TASP1: variants seen among roughly 807,000 people sequenced by gnomAD.
TASP1 encodes the protein threonine aspartase 1.
Under a neutral mutation model 56.6 loss-of-function variants are expected in TASP1, and 16 were observed. The observed-to-expected ratio is 0.28, with a 90% CI of 0.19 to 0.43. The LOEUF (loss-of-function observed/expected upper bound fraction) is 0.43. Ranked by LOEUF, TASP1 falls within the 20% of genes least tolerant of loss-of-function variation. The pLI, the probability that TASP1 is intolerant of heterozygous loss-of-function variation, is 1.00. For missense variants in TASP1, 393 were observed against 511.6 expected (o/e 0.77, Z 2.24); for synonymous variants, 179 against 184.2 (o/e 0.97, Z 0.23).
chr20:13,286,442 G>C, the TASP1 span, among the ~76,000 whole-genome samples: 2 of 152,158 alleles, frequency 1.3e-5, no homozygotes, highest in African/African-American at 4.8e-5. Context: ...CTAATGCCAG[G>C]GAAGGCAGCC....
intron 10 of TASP1, among the ~76,000 whole-genome samples, chr20:13,487,990 T>C (rs890215078): frequency 5.9e-5 from 9 of 151,964 alleles, no homozygotes; most frequent in African/African-American, 1.9e-4. Flanking sequence ...ATCCCTGAAA[T>C]AGAGCAAACT....
At chr20:13,548,037 AC>A (rs1043755002) in intron 8 of TASP1, among the ~76,000 whole-genome samples, 2 of 152,190 alleles carry the variant, frequency 1.3e-5, no homozygotes, top group African/African-American at 2.4e-5. Flanking sequence ...ATCTGGAATC[AC>A]AGGTGTGAAG....
the TASP1 span, among the ~76,000 whole-genome samples, chr20:13,352,747 A>G: frequency 6.6e-6 from 1 of 152,212 alleles, no homozygotes; most frequent in South Asian, 2.1e-4. Context: ...CAGACATTGC[A>G]GAACCATTGA....
intron 11 of TASP1, among the ~76,000 whole-genome samples, chr20:13,437,009 T>G (rs1479947597): frequency 6.6e-6 from 1 of 152,026 alleles, no homozygotes; most frequent in Admixed American, 6.6e-5. Context: ...AGAAATAAAA[T>G]AGTACAGCAT....
At chr20:13,495,934 T>C (rs964734842) in intron 10 of TASP1, among the ~76,000 whole-genome samples, 2 of 152,132 alleles carry the variant, frequency 1.3e-5, no homozygotes, top group East Asian at 3.9e-4. Flanking sequence ...TAAAAACCAA[T>C]ACATAGATTC....
At chr20:13,205,523 T>G in the TASP1 span, among the ~76,000 whole-genome samples, 1 of 152,156 alleles carries the variant, frequency 6.6e-6, no homozygotes, top group Non-Finnish European at 1.5e-5. Context: ...GTGTCTGATG[T>G]GGGCCCACTT....
chr20:13,182,425 G>C, the TASP1 span, among the ~76,000 whole-genome samples: 1 of 152,090 alleles, frequency 6.6e-6, no homozygotes, highest in African/African-American at 2.4e-5. Context: ...TATAGTGTTA[G>C]ATGCACAGTT....
intron 11 of TASP1, among the ~76,000 whole-genome samples, chr20:13,443,349 C>A (rs1357301550): frequency 6.6e-6 from 1 of 152,184 alleles, no homozygotes; most frequent in East Asian, 1.9e-4. Flanking sequence ...ATGTGGGGCA[C>A]TGCTTAAGCG....
intron 12 of TASP1, 74 bp from the exon 13 acceptor site, chr20:13,417,595 C>T (rs1031704332): frequency 4.6e-6 from 7 of 1,520,974 alleles, no homozygotes; most frequent in African/African-American, 2.7e-5. Flanking sequence ...TTTAATAGAA[C>T]AGTTAAAGAT....
chr20:13,334,131 G>A, the TASP1 span, among the ~76,000 whole-genome samples: 1 of 152,204 alleles, frequency 6.6e-6, no homozygotes, highest in South Asian at 2.1e-4. Context: ...AGGATAACCT[G>A]TGATGGTAAG....
At chr20:13,611,635 T>C (rs532235426) in intron 4 of TASP1, among the ~76,000 whole-genome samples, 2 of 152,300 alleles carry the variant, frequency 1.3e-5, no homozygotes, top group Admixed American at 6.5e-5. Context: ...TACATTCATT[T>C]CCCTGGCCCT....
the TASP1 span, among the ~76,000 whole-genome samples, chr20:13,282,984 G>A: frequency 1.3e-5 from 2 of 152,064 alleles, no homozygotes; most frequent in South Asian, 2.1e-4. Flanking sequence ...CATCTTTTCC[G>A]GAATTCCATA....
the TASP1 span, among the ~76,000 whole-genome samples, chr20:13,220,363 C>T: frequency 2.6e-5 from 4 of 152,208 alleles, no homozygotes; most frequent in African/African-American, 9.6e-5. Context: ...AGAGCCCTTC[C>T]ATTCGCCAAC....
At chr20:13,299,401 C>T in the TASP1 span, 2 of 1,612,772 alleles carry the variant, frequency 1.2e-6, no homozygotes, top group Non-Finnish European at 1.7e-6. This position sits in a 1 kb window ranked among gnomAD's most constrained non-coding sequence, Gnocchi z 5.8. Context: ...CAGAAGTGCA[C>T]AGAGAGCCCC....
chr20:13,141,418 ATCT>A, the TASP1 span, among the ~76,000 whole-genome samples: 20 of 152,346 alleles, frequency 1.3e-4, no homozygotes, highest in East Asian at 3.1e-3. Context: ...TTTAAAAAAA[ATCT>A]TCTCACATTT....
chr20:13,414,184 G>C (rs1347072675), intron 13 of TASP1, among the ~76,000 whole-genome samples: 14 of 152,030 alleles, frequency 9.2e-5, no homozygotes. Flanking sequence ...TGACATTATT[G>C]AAGAACACGT....
chr20:13,571,639 T>C (rs2046717415), intron 6 of TASP1, among the ~76,000 whole-genome samples: 1 of 152,152 alleles, frequency 6.6e-6, no homozygotes, highest in African/African-American at 2.4e-5. Context: ...CAATTCTCAA[T>C]ACACCAGCCA....
chr20:13,486,257 A>G (rs916335109), intron 10 of TASP1, among the ~76,000 whole-genome samples: 1 of 152,032 alleles, frequency 6.6e-6, no homozygotes, highest in East Asian at 1.9e-4. Context: ...CTTTCACTAT[A>G]CCCTCTTTTT....
chr20:13,397,169 T>A (rs372836788), intron 13 of TASP1, among the ~76,000 whole-genome samples: 1 of 152,240 alleles, frequency 6.6e-6, no homozygotes, highest in African/African-American at 2.4e-5. Flanking sequence ...CTACAGGTGA[T>A]AAAAGTGCTC....
Sources: allele counts gnomAD v4.1 joint callset (sites outside exome capture counted in the v4.1 genomes callset), GRCh38; gene constraint gnomAD v4.1.1; non-coding constraint Gnocchi (gnomAD v3.1); transcripts MANE v1.5; gene names NCBI Gene and HGNC (gene_info 2026-07-23, HGNC 2026-07-21).